Variants in UGT2A2 observed in about 807,000 individuals in gnomAD.
The protein encoded by UGT2A2 is UDP glucuronosyltransferase family 2 member A2, also known as UDP-glucuronosyltransferase 2A2.
UGT2A2 carries 60 observed loss-of-function variants against 50.7 expected under a neutral mutation model. The ratio of observed to expected loss-of-function variants is 1.18; its 90% CI spans 0.96 to 1.47. UGT2A2 has a LOEUF of 1.47. Among genes scored for constraint, UGT2A2 ranks in the 40% most tolerant of loss-of-function variants. UGT2A2 has a pLI of 0.00. For synonymous variants in UGT2A2, 242 were observed against 214.6 expected (o/e 1.13, Z -1.11); for missense variants, 762 against 634.0 (o/e 1.20, Z -2.17).
At chr4:69,631,283 A>G (rs1721369278) in intron 1 of UGT2A2, among the ~76,000 whole-genome samples, 1 of 150,098 alleles carries the variant, frequency 6.7e-6, no homozygotes, top group Non-Finnish European at 1.5e-5. Context: ...TTTTTTCAAA[A>G]TGATGTTTGT....
In UGT2A2 at chr4:69,589,652, C is replaced by T; in HGVS notation, c.1332-1G>A. ...TAACCTCATAGCATTCTCTTTATAACTAGAAGACAAATAAATAGGCAGAAA... is the reference window on the plus strand; with the variant it reads ...TAACCTCATAGCATTCTCTTTATAATTAGAAGACAAATAAATAGGCAGAAA... On this transcript the variant is annotated splice_acceptor_variant, in intron 5 of 5. Coordinates refer to ENST00000604629, the MANE Select transcript of UGT2A2 (RefSeq NM_001105677.2). LOFTEE classifies it high-confidence loss of function. 7 of 1,592,178 alleles carry T rather than the reference C, an allele frequency of 4.4e-6. No individual in the cohort carries two copies. Among genetic ancestry groups the T allele is most frequent in the Non-Finnish European group, 6.0e-6 (7 of 1,168,232 alleles).
chr4:69,611,069 G>A (rs543252508), intron 1 of UGT2A2, among the ~76,000 whole-genome samples: 3 of 152,148 alleles, frequency 2.0e-5, no homozygotes, highest in South Asian at 2.1e-4. Flanking sequence ...TAGCAGAATA[G>A]GCAAATAATT....
intron 1 of UGT2A2, among the ~76,000 whole-genome samples, chr4:69,637,827 T>C (rs1721798388): frequency 1.3e-5 from 2 of 151,594 alleles, no homozygotes; most frequent in South Asian, 2.1e-4. Flanking sequence ...TAGGTTGGCA[T>C]TCAACAAATA....
chr4:69,633,960 A>G (rs1383193366), intron 1 of UGT2A2, among the ~76,000 whole-genome samples: 2 of 151,892 alleles, frequency 1.3e-5, no homozygotes, highest in African/African-American at 2.4e-5. Context: ...AATTTTAAAA[A>G]CCCGGCCGCG....
At chr4:69,593,384 A>G (rs944196665) in intron 5 of UGT2A2, among the ~76,000 whole-genome samples, 9 of 152,042 alleles carry the variant, frequency 5.9e-5, no homozygotes, top group African/African-American at 2.2e-4. Context: ...TGAAATAGAG[A>G]TACATTTCAA....
rs553411785 is a variant in UGT2A2, at chr4:69,639,434, G to T, written c.207C>A (p.Phe69Leu). ...CAGGAGAATCGGGATTGGAGTTGAT[G>T]AATAGAGTTGCTGATGAAGCCAGTA... ...VTVLASSATL[F>L]INSNPDSPVN... The change falls in exon 1 of 6, where the codon TTC becomes TTA. Residue 69 changes from phenylalanine (F) to leucine (L), a missense_variant. Transcript: ENST00000604629. 11 of 1,613,174 alleles carry T rather than the reference G, an allele frequency of 6.8e-6. No individual in the cohort carries two copies. The highest frequency in any genetic ancestry group is 9.3e-6 in the Non-Finnish European group (11 of 1,179,522).
intron 5 of UGT2A2, among the ~76,000 whole-genome samples, chr4:69,590,659 GTT>G (rs34698455): frequency 8.7e-5 from 13 of 148,888 alleles, no homozygotes; most frequent in African/African-American, 2.0e-4. Flanking sequence ...GTGTGTGTGT[GTT>G]TGTGTGTCTG....
chr4:69,636,566 G>A lies in UGT2A2; in HGVS notation c.742+2333C>T, dbSNP rs193105073. ...AAAGGTGAGAAGTTGAGAACTTGCT[G>A]TTTTACAAAGCCTTTTTCACACTTA... On this transcript the variant is annotated intron_variant, in intron 1 of 5. Transcript: ENST00000604629. 8.6e-4 allele frequency among the ~76,000 whole-genome samples: 131 copies of A among 152,154 alleles called. 1 individual carries two copies. The highest frequency in any genetic ancestry group is 2.9e-3 in the African/African-American group (119 of 41,538).
Position 69,639,581 on chromosome 4 carries a change from AT to A in UGT2A2, c.59del (p.Asn20IlefsTer2). On this transcript the variant is annotated frameshift_variant, in exon 1 of 6. Transcript: ENST00000604629. LOFTEE classifies it high-confidence loss of function. The part of the protein sequence containing the change: ...PKKFVQMLVF[N>X]LTLTEVVLSG... ...TTAGAACAACTTCAGTCAGAGTCAA[AT>A]TAAAAACCAGCATCTGGACAAACTT... 6.2e-7 allele frequency: 1 copy of A among 1,610,436 alleles called. No individual in the cohort carries two copies. The highest frequency in any genetic ancestry group is 1.1e-5 in the South Asian group (1 of 90,258).
rs1173312071 is a variant in UGT2A2, at chr4:69,639,273, A to C, written c.368T>G (p.Leu123Arg). 1.2e-6 allele frequency: 2 copies of C among 1,613,680 alleles called. No individual in the cohort carries two copies. Among genetic ancestry groups the C allele is most frequent in the South Asian group, 2.2e-5 (2 of 91,046 alleles). Residue 123 changes from leucine to arginine, a missense_variant, in exon 1 of 6, where the codon CTT becomes CGT. Physicochemically the swap from Leu to Arg is moderately radical, Grantham distance 102. Coordinates refer to ENST00000604629, the MANE Select transcript of UGT2A2 (RefSeq NM_001105677.2). ...IWAFYKELGK[L>R]LDTFFQINIQ... ...GTTAATTTGAAAGAAAGTGTCTAGA[A>C]GTTTTCCTAGTTCTTTGTAGAAAGC...
chr4:69,589,903 T>C lies in UGT2A2; in HGVS notation c.1332-252A>G, dbSNP rs1022618696. ...AAGTAGAGTAAGCCAGTTGTAAATATAGATGTTTAGCATAATTTTTCCAAA... is the reference window on the plus strand; with the variant it reads ...AAGTAGAGTAAGCCAGTTGTAAATACAGATGTTTAGCATAATTTTTCCAAA... On this transcript the variant is annotated intron_variant, in intron 5 of 5. Coordinates refer to ENST00000604629, the MANE Select transcript of UGT2A2 (RefSeq NM_001105677.2). 3.3e-5 allele frequency among the ~76,000 whole-genome samples: 5 copies of C among 152,312 alleles called. No individual in the cohort carries two copies. The East Asian group carries it at 5.8e-4, about 18-fold the overall frequency.
chr4:69,589,820 A>G (rs929954716), intron 5 of UGT2A2, among the ~76,000 whole-genome samples, 169 bp from the exon 6 acceptor site: 1 of 152,230 alleles, frequency 6.6e-6, no homozygotes, highest in South Asian at 2.1e-4. Context: ...GAGTTACAAA[A>G]AGGAAGATAT....
At chr4:69,606,833 GA>G (rs1719655469) in intron 1 of UGT2A2, among the ~76,000 whole-genome samples, 1 of 136,358 alleles carries the variant, frequency 7.3e-6, no homozygotes, top group African/African-American at 3.0e-5. Flanking sequence ...TTGCTTCAAA[GA>G]GAATAAAATA....
chr4:69,613,303 A>G (rs533323469), intron 1 of UGT2A2, among the ~76,000 whole-genome samples: 2 of 152,084 alleles, frequency 1.3e-5, no homozygotes, highest in Admixed American at 1.3e-4. Flanking sequence ...CAAAACCTGA[A>G]CGAGGCATTA....
chr4:69,633,214 C>T (rs1440277767), intron 1 of UGT2A2, among the ~76,000 whole-genome samples: 1 of 152,142 alleles, frequency 6.6e-6, no homozygotes, highest in African/African-American at 2.4e-5. Flanking sequence ...AGAAATCATA[C>T]TGTACACTTT....
At chr4:69,636,800 T>C (rs986009317) in intron 1 of UGT2A2, among the ~76,000 whole-genome samples, 1 of 152,142 alleles carries the variant, frequency 6.6e-6, no homozygotes, top group African/African-American at 2.4e-5. Context: ...AATAGCCACA[T>C]ATGATATCAT....
intron 1 of UGT2A2, among the ~76,000 whole-genome samples, chr4:69,612,178 A>G (rs1720103966): frequency 3.3e-5 from 5 of 152,070 alleles, no homozygotes; most frequent in Admixed American, 2.0e-4. Context: ...GAAAATCAGC[A>G]AAAGTAACAG....
At chr4:69,601,394 A>G (rs1719286053) in intron 1 of UGT2A2, among the ~76,000 whole-genome samples, 1 of 152,106 alleles carries the variant, frequency 6.6e-6, no homozygotes, top group African/African-American at 2.4e-5. Context: ...CGCCCCCCGG[A>G]GTACTACTCC....
chr4:69,627,560 G>GAA, intron 1 of UGT2A2, among the ~76,000 whole-genome samples: 1 of 142,746 alleles, frequency 7.0e-6, no homozygotes, highest in Admixed American at 7.1e-5. Context: ...GAGAGAGAGA[G>GAA]AGAGAGAAAG....
Sources: gnomAD v4.1 joint callset for allele counts (sites outside exome capture counted in the v4.1 genomes callset) on GRCh38, gnomAD v4.1.1 for gene constraint, MANE v1.5 for transcripts, NCBI Gene and HGNC (gene_info 2026-07-23, HGNC 2026-07-21) for gene names.